The following RAB38 variants were observed in gnomAD, a reference collection of about 807,000 sequenced individuals.
The protein encoded by RAB38 is RAB38, member RAS oncogene family, also known as ras-related protein Rab-38.
RAB38 carries 15 observed loss-of-function variants against 18.4 expected under a neutral mutation model. That is an observed-to-expected ratio of 0.82 (90% CI 0.55 to 1.26). RAB38 has a LOEUF of 1.26. RAB38 is among the 50% of genes most tolerant of loss of function. RAB38 has a pLI of 0.00. For missense variants in RAB38, 294 were observed against 267.4 expected, an observed-to-expected ratio of 1.10 and a Z score of -0.69; for synonymous variants, 101 against 104.4, an observed-to-expected ratio of 0.97 and a Z score of 0.20.
At chr11:87,819,702 G>GTA in the RAB38 span, among the ~76,000 whole-genome samples, 2 of 3,354 alleles carry the variant, frequency 6.0e-4, no homozygotes, top group Non-Finnish European at 1.0e-3. Flanking sequence ...GTGTGTGTGT[G>GTA]TATATATATA....
the RAB38 span, among the ~76,000 whole-genome samples, chr11:87,977,522 GATAATATAATTATATCATTATTAT>G: frequency 3.0e-5 from 3 of 98,648 alleles, no homozygotes; most frequent in African/African-American, 1.2e-4. Context: ...TAATTATATA[GATAATATAATTATATCATTATTAT>G]ATAATATAAT....
the RAB38 span, among the ~76,000 whole-genome samples, chr11:88,106,839 T>G: frequency 6.6e-6 from 1 of 152,182 alleles, no homozygotes; most frequent in South Asian, 2.1e-4. Flanking sequence ...TCCGGTTGCT[T>G]GGGAATTCCA....
chr11:87,816,490 A>C, the RAB38 span: 1 of 152,188 alleles, frequency 6.6e-6, no homozygotes, highest in Non-Finnish European at 1.5e-5. Context: ...GAGGGGCTTT[A>C]TTATTAGGAT....
the RAB38 span, among the ~76,000 whole-genome samples, chr11:87,831,377 T>C: frequency 4.9e-4 from 75 of 152,112 alleles, no homozygotes; most frequent in African/African-American, 1.4e-3. Context: ...CATTTTAGGG[T>C]TGTGGAATAG....
the RAB38 span, among the ~76,000 whole-genome samples, chr11:87,889,031 C>CAG: frequency 6.6e-6 from 1 of 151,918 alleles, no homozygotes; most frequent in African/African-American, 2.4e-5. Context: ...ACACACAGAA[C>CAG]AGAACACTCA....
At chr11:87,824,452 G>T in the RAB38 span, among the ~76,000 whole-genome samples, 1 of 151,978 alleles carries the variant, frequency 6.6e-6, no homozygotes, top group Non-Finnish European at 1.5e-5. Context: ...ATAAAAGTCA[G>T]AAAAATGAAC....
At chr11:88,141,616 A>ATTAG (rs1434447676) in intron 2 of RAB38, among the ~76,000 whole-genome samples, 1 of 152,216 alleles carries the variant, frequency 6.6e-6, no homozygotes, top group African/African-American at 2.4e-5. Context: ...CTTTGAGTTC[A>ATTAG]GACTTCTACA....
chr11:88,063,366 A>G, the RAB38 span, among the ~76,000 whole-genome samples: 3 of 152,202 alleles, frequency 2.0e-5, no homozygotes, highest in East Asian at 3.9e-4. Flanking sequence ...ACAAATAGAA[A>G]GTTGTTTCTG....
At chr11:88,172,616 A>AG (rs1383297956) in intron 1 of RAB38, among the ~76,000 whole-genome samples, 1 of 152,148 alleles carries the variant, frequency 6.6e-6, no homozygotes, top group Non-Finnish European at 1.5e-5. Context: ...GTTGAACACT[A>AG]AGGACGGAGA....
chr11:87,843,752 C>T, the RAB38 span, among the ~76,000 whole-genome samples: 4 of 152,180 alleles, frequency 2.6e-5, no homozygotes, highest in African/African-American at 9.6e-5. Flanking sequence ...TTAGTAACTG[C>T]AAAACATGAT....
rs188225598 is a variant in RAB38 at position 88,116,866 on chromosome 11, C to T, written c.484-2726G>A. ...TTAAACAGGTTTTCCTTCATCATAACGTGCAAATTGACAAAATCTACTAAT... is the reference window on the plus strand; with the variant it reads ...TTAAACAGGTTTTCCTTCATCATAATGTGCAAATTGACAAAATCTACTAAT... On this transcript the variant is annotated intron_variant, in intron 2 of 2. Coordinates refer to ENST00000243662, the MANE Select transcript of RAB38 (RefSeq NM_022337.3). Among the ~76,000 whole-genome samples, 87 of 152,240 alleles carry T rather than the reference C, an allele frequency of 5.7e-4. 1 individual carries two copies. The East Asian group carries it at 0.014, about 25-fold the overall frequency.
chr11:88,055,478 T>C, the RAB38 span, among the ~76,000 whole-genome samples: 1 of 152,180 alleles, frequency 6.6e-6, no homozygotes, highest in Admixed American at 6.5e-5. Flanking sequence ...TGAAGAGATC[T>C]GGGGACTTTT....
chr11:88,123,229 G>A (rs1219522611), intron 2 of RAB38, among the ~76,000 whole-genome samples: 1 of 152,118 alleles, frequency 6.6e-6, no homozygotes, highest in Non-Finnish European at 1.5e-5. Context: ...TGCTTTGTTT[G>A]TGTATCCTCT....
the RAB38 span, among the ~76,000 whole-genome samples, chr11:87,818,071 C>A: frequency 1.3e-5 from 2 of 152,170 alleles, no homozygotes; most frequent in South Asian, 4.1e-4. Flanking sequence ...TCAAGCTTTG[C>A]ATTTGTCAGA....
chr11:88,112,423 C>G (rs977355331), downstream of RAB38, among the ~76,000 whole-genome samples: 5 of 152,098 alleles, frequency 3.3e-5, no homozygotes, highest in African/African-American at 1.2e-4. Flanking sequence ...GCCTCTTTTT[C>G]TAGGTCAGAG....
the RAB38 span, among the ~76,000 whole-genome samples, chr11:87,843,249 T>C: frequency 6.6e-6 from 1 of 152,226 alleles, no homozygotes; most frequent in African/African-American, 2.4e-5. Flanking sequence ...AGTCTACATA[T>C]GTTCCAAACA....
At chr11:87,922,089 G>C in the RAB38 span, among the ~76,000 whole-genome samples, 1 of 151,960 alleles carries the variant, frequency 6.6e-6, no homozygotes, top group Non-Finnish European at 1.5e-5. Context: ...TTTTAGACTG[G>C]TTTCATGACA....
At chr11:88,027,676 GC>G in the RAB38 span, among the ~76,000 whole-genome samples, 1 of 131,354 alleles carries the variant, frequency 7.6e-6, no homozygotes, top group East Asian at 1.9e-4. Flanking sequence ...GGGGAGGGGC[GC>G]CCGCCATTGC....
intron 2 of RAB38, among the ~76,000 whole-genome samples, chr11:88,117,319 A>C (rs1173617645): frequency 6.6e-6 from 1 of 152,228 alleles, no homozygotes; most frequent in African/African-American, 2.4e-5. Context: ...AAAAGCATAA[A>C]AAGGTTGGAA....
Sources: gnomAD v4.1 joint callset for allele counts (sites outside exome capture counted in the v4.1 genomes callset) on GRCh38, gnomAD v4.1.1 for gene constraint, MANE v1.5 for transcripts, NCBI Gene and HGNC (gene_info 2026-07-23, HGNC 2026-07-21) for gene names.